Variants in YWHAG observed in about 807,000 individuals in gnomAD.
YWHAG encodes the protein 14-3-3 protein gamma.
YWHAG carries 1 observed loss-of-function variant against 23.3 expected under a neutral mutation model. The ratio of observed to expected loss-of-function variants is 0.04; its 90% CI spans 0.02 to 0.20. The LOEUF is 0.20. Ranked by LOEUF, YWHAG falls within the 10% of genes least tolerant of loss-of-function variation. The probability of loss-of-function intolerance (pLI) is 1.00; values close to 1 mark genes in which losing one functional copy is unlikely to be tolerated. For missense variants in YWHAG, 151 were observed against 338.6 expected (o/e 0.45, Z 4.35); for synonymous variants, 160 against 144.0 (o/e 1.11, Z -0.80).
chr7:76,356,402 C>T (rs1803958316), intron 1 of YWHAG, among the ~76,000 whole-genome samples: 1 of 151,876 alleles, frequency 6.6e-6, no homozygotes, highest in Non-Finnish European at 1.5e-5. Context: ...TTCCTCTATA[C>T]TGTGAAGGAG....
chr7:76,345,335 G>T (rs553601831), intron 1 of YWHAG, among the ~76,000 whole-genome samples: 17 of 151,988 alleles, frequency 1.1e-4, no homozygotes, highest in African/African-American at 4.1e-4. Context: ...ACAGGCACCC[G>T]CCACAATGCC....
chr7:76,349,426 CACACACACACACACACAG>C (rs1216469779), intron 1 of YWHAG, among the ~76,000 whole-genome samples: 50 of 126,480 alleles, frequency 4.0e-4, no homozygotes, highest in African/African-American at 1.1e-3. Context: ...AATACACACA[CACACACACACACACACAG>C]ACACACACAC....
intron 1 of YWHAG, among the ~76,000 whole-genome samples, chr7:76,340,922 G>A (rs1803683342): frequency 6.6e-6 from 1 of 152,134 alleles, no homozygotes. Flanking sequence ...TGTCACCCAG[G>A]CTGGAGTGCA....
chr7:76,338,315 G>A (rs1303498269), intron 1 of YWHAG, among the ~76,000 whole-genome samples: 2 of 152,266 alleles, frequency 1.3e-5, no homozygotes, highest in East Asian at 1.9e-4. Flanking sequence ...ACATTCATTC[G>A]AGGAAGAGGA....
intron 1 of YWHAG, among the ~76,000 whole-genome samples, chr7:76,356,701 AATGAG>A (rs541939730): frequency 1.3e-5 from 2 of 152,374 alleles, no homozygotes; most frequent in South Asian, 4.1e-4. Flanking sequence ...ATTTTAAATA[AATGAG>A]ATGAATGTTT....
chr7:76,349,402 G>C (rs1803838069), intron 1 of YWHAG, among the ~76,000 whole-genome samples: 2 of 146,350 alleles, frequency 1.4e-5, no homozygotes, highest in African/African-American at 5.1e-5. Context: ...GACGCGTTTT[G>C]GTCATCATTT....
chr7:76,349,446 C>G (rs13232082), intron 1 of YWHAG, among the ~76,000 whole-genome samples: 36,753 of 97,054 alleles, frequency 0.38, 4,570 homozygotes, highest in East Asian at 0.61. Context: ...CACACACAGA[C>G]ACACACACAC....
At chr7:76,338,705 A>C (rs1441834654) in intron 1 of YWHAG, among the ~76,000 whole-genome samples, 1 of 152,174 alleles carries the variant, frequency 6.6e-6, no homozygotes, top group African/African-American at 2.4e-5. Flanking sequence ...AGAAAAATGG[A>C]AAAAAGGAAC....
At chr7:76,338,209 G>A (rs1231043595) in intron 1 of YWHAG, among the ~76,000 whole-genome samples, 1 of 152,148 alleles carries the variant, frequency 6.6e-6, no homozygotes, top group Non-Finnish European at 1.5e-5. Flanking sequence ...ATAGCAAACT[G>A]CATGGAAACT....
intron 1 of YWHAG, among the ~76,000 whole-genome samples, chr7:76,336,117 A>C (rs777707157): frequency 6.6e-6 from 1 of 152,214 alleles, no homozygotes; most frequent in Non-Finnish European, 1.5e-5. Flanking sequence ...AATCTCTACA[A>C]AGAACTGAAG....
chr7:76,340,046 G>A (rs1447976650), intron 1 of YWHAG, among the ~76,000 whole-genome samples: 1 of 152,092 alleles, frequency 6.6e-6, no homozygotes, highest in Non-Finnish European at 1.5e-5. Flanking sequence ...CCAAGATCAT[G>A]CCATTGCACT....
At chr7:76,355,469 C>T (rs1226342640) in intron 1 of YWHAG, among the ~76,000 whole-genome samples, 1 of 152,198 alleles carries the variant, frequency 6.6e-6, no homozygotes, top group Non-Finnish European at 1.5e-5. Context: ...AAGGCTAACA[C>T]ATGAAAGGCA....
intron 1 of YWHAG, among the ~76,000 whole-genome samples, chr7:76,334,067 G>C (rs1803582651): frequency 6.6e-6 from 1 of 152,182 alleles, no homozygotes. Flanking sequence ...ACCACATTTG[G>C]AACACGCCCA....
intron 1 of YWHAG, among the ~76,000 whole-genome samples, chr7:76,336,000 ATCT>A (rs998239301): frequency 2.0e-5 from 3 of 152,190 alleles, no homozygotes; most frequent in Admixed American, 6.5e-5. Context: ...TGCATTTTTA[ATCT>A]TCTTAAATAA....
rs1054721673 is a variant in YWHAG at position 76,328,187 on chromosome 7, G to A, written c.*1390C>T. On this transcript the variant is annotated 3_prime_UTR_variant, in exon 2 of 2. Coordinates refer to ENST00000307630, the MANE Select transcript of YWHAG (RefSeq NM_012479.4). ...GCCTTAAGGCTGCCGAAAACAAATG[G>A]GTGGAAATAGCAACGTTGTTTCCGT... The A allele has an allele frequency of 6.6e-6, 1 of 152,058 alleles. No individual in the cohort carries two copies. The highest frequency in any genetic ancestry group is 1.5e-5 in the Non-Finnish European group (1 of 68,016). 9.4% of individuals were successfully genotyped at this position (152,058 alleles called of 1,614,324 possible). A position where few individuals can be genotyped will look rare whatever the true frequency, so the allele number is the denominator to read the frequency against.
chr7:76,348,640 G>A (rs575921733), intron 1 of YWHAG, among the ~76,000 whole-genome samples: 103 of 152,066 alleles, frequency 6.8e-4, no homozygotes, highest in Middle Eastern at 3.4e-3. Flanking sequence ...TCCTAACCTC[G>A]TGATGCACCC....
At chr7:76,331,872 CG>C (rs1443040375) in intron 1 of YWHAG, among the ~76,000 whole-genome samples, 3 of 151,690 alleles carry the variant, frequency 2.0e-5, no homozygotes, top group Non-Finnish European at 2.9e-5. Context: ...AAATTATAAA[CG>C]GGGGGTATGC....
At chr7:76,357,559 T>G (rs1803978755) in intron 1 of YWHAG, among the ~76,000 whole-genome samples, 1 of 152,120 alleles carries the variant, frequency 6.6e-6, no homozygotes, top group East Asian at 1.9e-4. Context: ...GACAAAATGG[T>G]GCAATACAGG....
chr7:76,335,831 T>A (rs1803607440), intron 1 of YWHAG, among the ~76,000 whole-genome samples: 1 of 152,122 alleles, frequency 6.6e-6, no homozygotes, highest in South Asian at 2.1e-4. Context: ...ATGCCTGTAA[T>A]CCCAGCTACT....
Sources: allele counts gnomAD v4.1 joint callset (sites outside exome capture counted in the v4.1 genomes callset), GRCh38; gene constraint gnomAD v4.1.1; transcripts MANE v1.5; gene names NCBI Gene and HGNC (gene_info 2026-07-23, HGNC 2026-07-21).